TCERG1L: variants seen among roughly 807,000 people sequenced by gnomAD.
TCERG1L encodes the protein transcription elongation regulator 1 like, also known as transcription elongation regulator 1-like protein.
Under a neutral mutation model 56.3 loss-of-function variants are expected in TCERG1L, and 37 were observed. The ratio of observed to expected loss-of-function variants is 0.66; its 90% CI spans 0.51 to 0.87. TCERG1L has a LOEUF of 0.87. TCERG1L is among the 40% of genes least tolerant of loss of function. The probability of loss-of-function intolerance (pLI) is 0.00; values close to 1 mark genes in which losing one functional copy is unlikely to be tolerated. For missense variants in TCERG1L, 799 were observed against 774.2 expected, an observed-to-expected ratio of 1.03 and a Z score of -0.38; for synonymous variants, 324 against 326.3, an observed-to-expected ratio of 0.99 and a Z score of 0.08.
At chr10:131,235,905 C>T (rs184806936) in intron 4 of TCERG1L, among the ~76,000 whole-genome samples, 15 of 152,268 alleles carry the variant, frequency 9.9e-5, no homozygotes, top group African/African-American at 3.6e-4. Flanking sequence ...ATAGGCAAAT[C>T]CCTTTAAAAC....
At chr10:131,261,211 A>AT (rs537406100) in intron 3 of TCERG1L, among the ~76,000 whole-genome samples, 157 of 152,258 alleles carry the variant, frequency 1.0e-3, no homozygotes, top group Non-Finnish European at 1.9e-3. Context: ...TCAGTAAAAC[A>AT]TTTTTTCTTT....
chr10:131,240,386 G>C (rs1845957941), intron 4 of TCERG1L, among the ~76,000 whole-genome samples: 2 of 152,158 alleles, frequency 1.3e-5, no homozygotes, highest in Admixed American at 1.3e-4. Flanking sequence ...ACGCTTTATG[G>C]AGCTGATTTA....
intron 4 of TCERG1L, among the ~76,000 whole-genome samples, chr10:131,213,413 C>A (rs1466347148): frequency 6.6e-6 from 1 of 152,244 alleles, no homozygotes; most frequent in Non-Finnish European, 1.5e-5. Flanking sequence ...TATAAAATTT[C>A]TCTGCACCAG....
intron 3 of TCERG1L, among the ~76,000 whole-genome samples, chr10:131,273,726 C>T (rs1846364155): frequency 6.6e-6 from 1 of 152,178 alleles, no homozygotes; most frequent in South Asian, 2.1e-4. Flanking sequence ...GGCCCAAGGT[C>T]TCCAGAGGTC....
intron 7 of TCERG1L, among the ~76,000 whole-genome samples, chr10:131,140,698 C>T (rs1420065561): frequency 6.6e-6 from 1 of 152,222 alleles, no homozygotes; most frequent in Non-Finnish European, 1.5e-5. Context: ...GGCCAGAACT[C>T]ATCCACAGGC....
At chr10:131,239,643 A>G (rs1168746825) in intron 4 of TCERG1L, among the ~76,000 whole-genome samples, 3 of 152,242 alleles carry the variant, frequency 2.0e-5, no homozygotes, top group South Asian at 2.1e-4. Context: ...AGGGCAGTGC[A>G]GACAGAGGGG....
intron 3 of TCERG1L, among the ~76,000 whole-genome samples, chr10:131,286,372 G>A (rs1344555406): frequency 6.6e-6 from 1 of 152,100 alleles, no homozygotes; most frequent in Non-Finnish European, 1.5e-5. Flanking sequence ...TAATATCATG[G>A]AAAATCTATA....
rs543073740 is a variant in TCERG1L, at chr10:131,273,121, C to G, written c.671-12677G>C. Among the ~76,000 whole-genome samples the G allele has an allele frequency of 3.7e-4, 57 of 152,328 alleles. 1 individual carries two copies. The highest frequency in any genetic ancestry group is 1.5e-3 in the South Asian group (7 of 4,824). Reference sequence around the variant, plus strand: ...CGCCTCACTCAGGCAGCGCCACCTTCCACTCCCCGCATCCCTTCCATTACC... The same window carrying G: ...CGCCTCACTCAGGCAGCGCCACCTTGCACTCCCCGCATCCCTTCCATTACC... On this transcript the variant is annotated intron_variant, in intron 3 of 11. Transcript: ENST00000368642.
intron 10 of TCERG1L, among the ~76,000 whole-genome samples, chr10:131,102,969 G>A (rs1465910864): frequency 2.0e-5 from 3 of 151,988 alleles, no homozygotes; most frequent in Non-Finnish European, 2.9e-5. Flanking sequence ...CTAGGGCAGA[G>A]CCCTGGCAAG....
chr10:131,203,688 G>A (rs1845480650), intron 4 of TCERG1L, among the ~76,000 whole-genome samples: 1 of 152,216 alleles, frequency 6.6e-6, no homozygotes, highest in Non-Finnish European at 1.5e-5. Context: ...GGAATCCAGA[G>A]GCCAGTAGGG....
chr10:131,110,626 C>T (rs965717257), intron 9 of TCERG1L, among the ~76,000 whole-genome samples: 12 of 152,202 alleles, frequency 7.9e-5, no homozygotes, highest in Middle Eastern at 3.2e-3. Context: ...ACCTCAGCCC[C>T]GGGAAGGCAG....
At chr10:131,287,124 G>A (rs1846554385) in intron 3 of TCERG1L, among the ~76,000 whole-genome samples, 1 of 152,206 alleles carries the variant, frequency 6.6e-6, no homozygotes, top group South Asian at 2.1e-4. Context: ...TAAATTCCAT[G>A]TGATGTTAGC....
chr10:131,121,391 A>G (rs1026538337), intron 8 of TCERG1L, among the ~76,000 whole-genome samples: 5 of 152,232 alleles, frequency 3.3e-5, no homozygotes, highest in Non-Finnish European at 7.3e-5. Context: ...GCTTCCGACC[A>G]GATGATCTGA....
rs1166882880 is a variant in TCERG1L, at chr10:131,293,807, A to T, written c.670+14404T>A. 2.0e-5 allele frequency among the ~76,000 whole-genome samples: 3 copies of T among 152,298 alleles called. No individual in the cohort carries two copies. The East Asian group carries it at 5.8e-4, about 29-fold the overall frequency. The stretch of plus-strand genomic sequence containing the variant: ...AACTCTTACAGACTGCAAGTTATTA[A>T]TTCTAATAGAAGCACTTCAGGTTGG... On this transcript the variant is annotated intron_variant, in intron 3 of 11. Transcript: ENST00000368642.
intron 4 of TCERG1L, among the ~76,000 whole-genome samples, chr10:131,230,108 T>G (rs1405207214): frequency 6.6e-6 from 1 of 152,184 alleles, no homozygotes; most frequent in Non-Finnish European, 1.5e-5. Context: ...AATTTTCCCC[T>G]GCAGCCTCCC....
intron 4 of TCERG1L, among the ~76,000 whole-genome samples, chr10:131,254,843 G>T (rs1300366208): frequency 6.6e-6 from 1 of 152,216 alleles, no homozygotes; most frequent in African/African-American, 2.4e-5. Flanking sequence ...GACCACAGGA[G>T]AAACAAGTGT....
intron 4 of TCERG1L, among the ~76,000 whole-genome samples, chr10:131,221,848 C>T (rs1051142420): frequency 4.6e-5 from 7 of 152,228 alleles, no homozygotes; most frequent in South Asian, 2.1e-4. Flanking sequence ...GCTGCCTCCA[C>T]GTTGGGAGTA....
chr10:131,265,769 C>A (rs1450223057), intron 3 of TCERG1L, among the ~76,000 whole-genome samples: 1 of 152,222 alleles, frequency 6.6e-6, no homozygotes, highest in Non-Finnish European at 1.5e-5. Flanking sequence ...ATCATCTGAG[C>A]CTTCAGCAAA....
At chr10:131,242,609 C>T (rs994691769) in intron 4 of TCERG1L, among the ~76,000 whole-genome samples, 1 of 152,162 alleles carries the variant, frequency 6.6e-6, no homozygotes. Context: ...CAACCAGAAG[C>T]GTTTCAGATT....
Sources: gnomAD v4.1 joint callset for allele counts (sites outside exome capture counted in the v4.1 genomes callset) on GRCh38, gnomAD v4.1.1 for gene constraint, MANE v1.5 for transcripts, NCBI Gene and HGNC (gene_info 2026-07-23, HGNC 2026-07-21) for gene names.